The following UGT1A3 variants were observed in gnomAD, a reference collection of about 807,000 sequenced individuals.
UGT1A3 encodes the protein UDP glucuronosyltransferase family 1 member A3, also known as UDP-glucuronosyltransferase 1A3.
UGT1A3 carries 31 observed loss-of-function variants against 41.0 expected under a neutral mutation model. The ratio of observed to expected loss-of-function variants is 0.76; its 90% CI spans 0.57 to 1.02. The LOEUF is 1.02. UGT1A3 is among the 50% of genes least tolerant of loss of function. UGT1A3 has a pLI of 0.00. For synonymous variants in UGT1A3, 262 were observed against 257.6 expected (o/e 1.02, Z -0.17); for missense variants, 737 against 671.0 (o/e 1.10, Z -1.09).
At chr2:233,740,327 T>C (rs1299928906) in intron 1 of UGT1A3, among the ~76,000 whole-genome samples, 2 of 151,910 alleles carry the variant, frequency 1.3e-5, no homozygotes, top group Non-Finnish European at 2.9e-5. Context: ...TCTGCATTTA[T>C]TGAGAAAGTT....
At chr2:233,758,342 G>C (rs956728370) in intron 1 of UGT1A3, among the ~76,000 whole-genome samples, 1 of 152,206 alleles carries the variant, frequency 6.6e-6, no homozygotes, top group African/African-American at 2.4e-5. Flanking sequence ...TGGAAGCTCT[G>C]CATGATGCAG....
chr2:233,735,879 G>A (rs1213973999), intron 1 of UGT1A3, among the ~76,000 whole-genome samples: 1 of 152,086 alleles, frequency 6.6e-6, no homozygotes, highest in Non-Finnish European at 1.5e-5. Flanking sequence ...AGAGAGATCT[G>A]CTGTTAGTCT....
intron 1 of UGT1A3, chr2:233,761,111 T>C: frequency 6.2e-7 from 1 of 1,614,220 alleles, no homozygotes; most frequent in Non-Finnish European, 8.5e-7. Context: ...ATGGTTTTTG[T>C]TGGTGGAATC....
chr2:233,745,211 C>T (rs1428887927), intron 1 of UGT1A3, among the ~76,000 whole-genome samples: 1 of 151,804 alleles, frequency 6.6e-6, no homozygotes, highest in African/African-American at 2.4e-5. Flanking sequence ...GAGATCCTCT[C>T]AGACAAAAGG....
intron 1 of UGT1A3, chr2:233,761,045 T>A (rs1315871466): frequency 1.9e-6 from 3 of 1,614,220 alleles, no homozygotes; most frequent in Non-Finnish European, 1.7e-6. Flanking sequence ...TCTGCATCTG[T>A]CTGGCTGTTT....
chr2:233,744,032 T>C, intron 1 of UGT1A3: 1 of 835,228 alleles, frequency 1.2e-6, no homozygotes, highest in African/African-American at 1.8e-5. Context: ...ACGCCCCTTA[T>C]GACGCAGCCA....
chr2:233,742,523 T>A (rs1692010019), intron 1 of UGT1A3, among the ~76,000 whole-genome samples: 1 of 151,942 alleles, frequency 6.6e-6, no homozygotes, highest in Non-Finnish European at 1.5e-5. Context: ...GTCACAGTGC[T>A]GCAGAGATTT....
At chr2:233,767,707 G>A (rs571789905) in intron 2 of UGT1A3, 142 bp from the exon 3 acceptor site, 2 of 1,523,576 alleles carry the variant, frequency 1.3e-6, no homozygotes, top group Non-Finnish European at 1.8e-6. Context: ...CCAGTCCTCA[G>A]AAGCCTTCAC....
chr2:233,757,194 T>A (rs1696434308), intron 1 of UGT1A3, among the ~76,000 whole-genome samples: 1 of 150,834 alleles, frequency 6.6e-6, no homozygotes, highest in Non-Finnish European at 1.5e-5. Context: ...GACTCTGAAT[T>A]TTCTGTGCCC....
intron 1 of UGT1A3, 64 bp downstream of exon 1, chr2:233,730,057 T>C: frequency 1.9e-6 from 3 of 1,611,758 alleles, no homozygotes; most frequent in South Asian, 1.1e-5. Context: ...AAAATGTATT[T>C]ATTTAAAATT....
In UGT1A3 at chr2:233,772,329, G is replaced by T; in HGVS notation, c.1375G>T (p.Ala459Ser). The change falls in exon 5 of 5, where the codon GCC becomes TCC. Residue 459 changes from alanine to serine, a missense_variant. Coordinates refer to ENST00000482026, the MANE Select transcript of UGT1A3 (RefSeq NM_019093.4). Reference protein sequence around the residue: ...KDRPVEPLDLAVFWVEFVMRH... With the variant: ...KDRPVEPLDLSVFWVEFVMRH... ...CCGCCCGGTGGAGCCGCTGGACCTG[G>T]CCGTGTTCTGGGTGGAGTTTGTGAT... 6.2e-7 allele frequency: 1 copy of T among 1,614,164 alleles called. No individual in the cohort carries two copies. The highest frequency in any genetic ancestry group is 8.5e-7 in the Non-Finnish European group (1 of 1,180,030).
intron 1 of UGT1A3, among the ~76,000 whole-genome samples, chr2:233,762,648 C>T (rs564771250): frequency 6.6e-6 from 1 of 151,468 alleles, no homozygotes; most frequent in African/African-American, 2.4e-5. Context: ...AAAAGATAAG[C>T]TATTTTGTAG....
chr2:233,772,284 C>T lies in UGT1A3; in HGVS notation c.1330C>T (p.Leu444Phe), dbSNP rs1445186018. 3.1e-6 allele frequency: 5 copies of T among 1,614,128 alleles called. No homozygotes were observed. Among genetic ancestry groups the T allele is most frequent in the African/African-American group, 1.3e-5 (1 of 74,936 alleles). The change falls in exon 5 of 5, where the codon CTC becomes TTC. Residue 444 changes from leucine to phenylalanine, a missense_variant. Physicochemically the swap from Leu to Phe is conservative, Grantham distance 22. Transcript: ENST00000482026. ...TAGTTACAAGGAGAACATCATGCGC[C>T]TCTCCAGCCTTCACAAGGACCGCCC... Reference protein sequence around the residue: ...DKSYKENIMRLSSLHKDRPVE... With the variant: ...DKSYKENIMRFSSLHKDRPVE...
intron 1 of UGT1A3, 114 bp downstream of exon 1, chr2:233,730,107 G>T: frequency 1.3e-6 from 2 of 1,570,872 alleles, no homozygotes; most frequent in Non-Finnish European, 1.7e-6. Flanking sequence ...TTTCATTTCT[G>T]CTTCTCCTTG....
chr2:233,740,373 A>C (rs1691376932), intron 1 of UGT1A3, among the ~76,000 whole-genome samples: 2 of 151,912 alleles, frequency 1.3e-5, no homozygotes, highest in Non-Finnish European at 2.9e-5. Context: ...CTAGAAAGGT[A>C]AGTTGTTGTG....
At chr2:233,744,758 T>C (rs1487522872) in intron 1 of UGT1A3, among the ~76,000 whole-genome samples, 3 of 151,834 alleles carry the variant, frequency 2.0e-5, no homozygotes, top group Non-Finnish European at 4.4e-5. Flanking sequence ...ATGGAAATAG[T>C]TTTAACTTTG....
intron 1 of UGT1A3, chr2:233,760,220 G>T (rs1697349973): frequency 6.3e-7 from 1 of 1,593,686 alleles, no homozygotes; most frequent in Admixed American, 1.7e-5. Context: ...TTGGTGTATC[G>T]ATTGGTTTTT....
chr2:233,759,589 C>A (rs1019080455), intron 1 of UGT1A3, among the ~76,000 whole-genome samples: 1 of 147,434 alleles, frequency 6.8e-6, no homozygotes, highest in African/African-American at 2.5e-5. Context: ...CAGCACGCCC[C>A]CCACCCCCGA....
chr2:233,735,695 G>A (rs1439239319), intron 1 of UGT1A3, among the ~76,000 whole-genome samples: 1 of 151,962 alleles, frequency 6.6e-6, no homozygotes, highest in Non-Finnish European at 1.5e-5. Flanking sequence ...GCTCTTGTAA[G>A]GCAGGCCTGG....
Sources: gnomAD v4.1 joint callset for allele counts (sites outside exome capture counted in the v4.1 genomes callset) on GRCh38, gnomAD v4.1.1 for gene constraint, MANE v1.5 for transcripts, NCBI Gene and HGNC (gene_info 2026-07-23, HGNC 2026-07-21) for gene names.